The following CUL5 variants were observed in gnomAD, a reference collection of about 807,000 sequenced individuals.
CUL5 encodes cullin-5.
Under a neutral mutation model 108.8 loss-of-function variants are expected in CUL5, and 26 were observed. The observed-to-expected ratio is 0.24, with a 90% confidence interval of 0.18 to 0.33. CUL5 has a LOEUF of 0.33. Among genes scored for constraint, CUL5 ranks in the 10% least tolerant of loss-of-function variants. The pLI is 1.00. For missense variants in CUL5, 524 were observed against 909.2 expected, an observed-to-expected ratio of 0.58 and a Z score of 5.45; for synonymous variants, 334 against 298.0, an observed-to-expected ratio of 1.12 and a Z score of -1.25.
intron 4 of CUL5, among the ~76,000 whole-genome samples, chr11:108,052,251 C>T (rs138088543): frequency 1.3e-5 from 2 of 152,094 alleles, no homozygotes; most frequent in African/African-American, 4.8e-5. Context: ...GATTAGACCA[C>T]ACGCAGTCGA....
chr11:108,050,762 T>C (rs893989277), intron 4 of CUL5, among the ~76,000 whole-genome samples: 15 of 152,252 alleles, frequency 9.9e-5, no homozygotes, highest in African/African-American at 3.6e-4. Context: ...TAATTGTGGC[T>C]AAACTGCTAT....
At position 108,098,043 on chromosome 11, in the gene CUL5, G is replaced by A. The variant is rs556737117; in HGVS notation, c.2024+289G>A. On this transcript the variant is annotated intron_variant, in intron 17 of 18. Transcript: ENST00000393094. ...ACTTTATTCAGAGAAAGCGTTTTTT[G>A]TGTTGTTTTGTTTCGTTTTTGTTTT... Among the ~76,000 whole-genome samples the A allele has an allele frequency of 2.5e-3, 386 of 152,056 alleles. 2 individuals are homozygous for A. Among genetic ancestry groups the A allele is most frequent in the African/African-American group, 8.6e-3 (355 of 41,476 alleles).
At chr11:108,035,848 G>A (rs1862726982) in intron 2 of CUL5, among the ~76,000 whole-genome samples, 1 of 152,152 alleles carries the variant, frequency 6.6e-6, no homozygotes, top group South Asian at 2.1e-4. Context: ...TAGCCCAGTA[G>A]CAGAGTGTCA....
At chr11:108,085,150 TC>T (rs1343350613) in intron 11 of CUL5, 1 of 152,242 alleles carries the variant, frequency 6.6e-6, no homozygotes, top group African/African-American at 2.4e-5. Flanking sequence ...GTGGCATTAC[TC>T]TTAATAGTCA....
At chr11:108,089,448 G>A (rs769627030) in intron 12 of CUL5, 44 bp from the exon 13 acceptor site, 1 of 1,433,320 alleles carries the variant, frequency 7.0e-7, no homozygotes, top group African/African-American at 1.5e-5. Flanking sequence ...TCGAGAGATG[G>A]TAAGAGTATA....
At chr11:108,024,812 G>A (rs539076031) in intron 1 of CUL5, among the ~76,000 whole-genome samples, 49 of 152,212 alleles carry the variant, frequency 3.2e-4, no homozygotes, top group African/African-American at 1.2e-3. Flanking sequence ...TCTTGGAGTG[G>A]AATGATTAAA....
In CUL5 at chr11:108,104,634, A is replaced by G. The variant is rs1230730196; in HGVS notation, c.*250A>G. The G allele has an allele frequency of 3.5e-6, 1 of 285,282 alleles. No homozygotes were observed. The highest frequency in any genetic ancestry group is 2.2e-5 in the African/African-American group (1 of 45,820). The allele number at this position is 285,282 out of a possible 1,614,324, so 17.7% of individuals were successfully genotyped here. Reference sequence around the variant, plus strand: ...AACTTGCATTCATGAAGAGCCCATTATCAACTTTTAAAAGTGAATTTGATT... The same window carrying G: ...AACTTGCATTCATGAAGAGCCCATTGTCAACTTTTAAAAGTGAATTTGATT... On this transcript the variant is annotated 3_prime_UTR_variant, in exon 19 of 19. Coordinates refer to ENST00000393094, the MANE Select transcript of CUL5 (RefSeq NM_003478.6).
chr11:108,076,616 T>C (rs1386347288), intron 10 of CUL5, among the ~76,000 whole-genome samples: 1 of 152,352 alleles, frequency 6.6e-6, no homozygotes, highest in Middle Eastern at 3.4e-3. Context: ...TCTTTATCCA[T>C]TGATGGACGC....
At chr11:108,033,050 G>A (rs1054863479) in intron 1 of CUL5, among the ~76,000 whole-genome samples, 4 of 152,188 alleles carry the variant, frequency 2.6e-5, no homozygotes, top group Non-Finnish European at 5.9e-5. Flanking sequence ...ATAGCATTTA[G>A]TGAAAGCTGT....
chr11:108,028,088 C>G (rs1031385212), intron 1 of CUL5, among the ~76,000 whole-genome samples: 7 of 152,216 alleles, frequency 4.6e-5, no homozygotes, highest in African/African-American at 1.7e-4. Context: ...TAAAACCCAT[C>G]TGTATTCTGA....
intron 7 of CUL5, among the ~76,000 whole-genome samples, chr11:108,062,243 T>A (rs1199328448): frequency 6.6e-6 from 1 of 152,186 alleles, no homozygotes; most frequent in African/African-American, 2.4e-5. Flanking sequence ...CATCCTTGTG[T>A]ATACATCTTT....
chr11:108,045,911 G>C (rs912314205), intron 2 of CUL5, among the ~76,000 whole-genome samples: 1 of 151,946 alleles, frequency 6.6e-6, no homozygotes, highest in Non-Finnish European at 1.5e-5. Flanking sequence ...GGACAAAATA[G>C]TATACATCTA....
chr11:108,069,996 A>AT (rs975727844), intron 7 of CUL5, 100 bp from the exon 8 acceptor site: 7,775 of 579,510 alleles, frequency 0.013, no homozygotes, highest in South Asian at 0.018. Flanking sequence ...TTTCAGTATA[A>AT]TTTTTTTTTT....
intron 7 of CUL5, among the ~76,000 whole-genome samples, chr11:108,062,528 A>G (rs868050332): frequency 1.2e-4 from 18 of 148,432 alleles, no homozygotes; most frequent in African/African-American, 4.4e-4. Flanking sequence ...AATATTAAAT[A>G]TAATTATAAA....
chr11:108,068,510 A>C (rs1943707968), intron 7 of CUL5, among the ~76,000 whole-genome samples: 1 of 152,066 alleles, frequency 6.6e-6, no homozygotes, highest in South Asian at 2.1e-4. Context: ...TGTAGGAAGA[A>C]CAGTATAATG....
intron 12 of CUL5, among the ~76,000 whole-genome samples, 157 bp downstream of exon 12, chr11:108,088,816 AT>A (rs1864284613): frequency 1.3e-5 from 2 of 151,930 alleles, no homozygotes; most frequent in Admixed American, 6.6e-5. Context: ...TCGGGGGGTT[AT>A]TTTTCTTTCT....
intron 7 of CUL5, among the ~76,000 whole-genome samples, chr11:108,057,317 G>A (rs903212455): frequency 6.6e-6 from 1 of 151,972 alleles, no homozygotes; most frequent in African/African-American, 2.4e-5. Flanking sequence ...CACGAGCCAC[G>A]GCACTTGGCA....
At chr11:108,024,125 C>A (rs951740456) in intron 1 of CUL5, among the ~76,000 whole-genome samples, 1 of 152,166 alleles carries the variant, frequency 6.6e-6, no homozygotes, top group African/African-American at 2.4e-5. Context: ...CAGGAAAGGA[C>A]CAGAGAATAG....
intron 2 of CUL5, among the ~76,000 whole-genome samples, chr11:108,042,131 T>C (rs76294341): frequency 6.6e-6 from 1 of 152,114 alleles, no homozygotes; most frequent in Non-Finnish European, 1.5e-5. Context: ...TTTTTTCTTA[T>C]CACTTCACAT....
Sources: gnomAD v4.1 joint callset for allele counts (sites outside exome capture counted in the v4.1 genomes callset) on GRCh38, gnomAD v4.1.1 for gene constraint, MANE v1.5 for transcripts, NCBI Gene and HGNC (gene_info 2026-07-23, HGNC 2026-07-21) for gene names.